The following TRRAP variants were observed in gnomAD, a reference collection of about 807,000 sequenced individuals.
TRRAP encodes transformation/transcription domain associated protein, also known as transformation/transcription domain-associated protein.
TRRAP carries 41 observed loss-of-function variants against 438.8 expected under a neutral mutation model. The ratio of observed to expected loss-of-function variants is 0.09; its 90% CI spans 0.07 to 0.12. The LOEUF (loss-of-function observed/expected upper bound fraction) is 0.12, where lower values mean the gene tolerates loss of function less well. Ranked by LOEUF, TRRAP falls within the 10% of genes least tolerant of loss-of-function variation. TRRAP has a pLI of 1.00. For missense variants in TRRAP, 3,122 were observed against 5,055.1 expected, an observed-to-expected ratio of 0.62 and a Z score of 11.60; for synonymous variants, 1,994 against 1,962.9, an observed-to-expected ratio of 1.02 and a Z score of -0.42.
chr7:98,997,147 A>C (rs12671548), intron 67 of TRRAP, among the ~76,000 whole-genome samples: 16,095 of 151,974 alleles, frequency 0.11, 926 homozygotes, highest in East Asian at 0.25. Flanking sequence ...CTCTACTAAA[A>C]ATACAAAAAT....
intron 49 of TRRAP, 136 bp downstream of exon 49, chr7:98,966,031 T>C (rs1019968387): frequency 9.6e-7 from 1 of 1,041,466 alleles, no homozygotes; most frequent in South Asian, 1.6e-5. Flanking sequence ...TTTTCTTAAT[T>C]AAGATGGATT....
chr7:98,918,715 A>G (rs1789644430), intron 20 of TRRAP, among the ~76,000 whole-genome samples: 1 of 152,162 alleles, frequency 6.6e-6, no homozygotes. Context: ...AAAGAAGCAG[A>G]TAATAAAGGA....
At chr7:98,947,601 G>A (rs917799594) in intron 33 of TRRAP, among the ~76,000 whole-genome samples, 3 of 151,992 alleles carry the variant, frequency 2.0e-5, no homozygotes, top group South Asian at 2.1e-4. Context: ...GACTACAGGC[G>A]CCCGCCACCA....
At chr7:98,940,183 CTGTT>C (rs1215109739) in intron 30 of TRRAP, among the ~76,000 whole-genome samples, 26 of 151,408 alleles carry the variant, frequency 1.7e-4, no homozygotes, top group African/African-American at 5.8e-4. Flanking sequence ...TGTGCCTGGC[CTGTT>C]TGTTTGTTTA....
chr7:98,983,198 G>A, intron 59 of TRRAP, 66 bp from the exon 60 acceptor site: 3 of 1,415,974 alleles, frequency 2.1e-6, no homozygotes, highest in Non-Finnish European at 2.9e-6. Context: ...AATGGACTCT[G>A]GTGTGTTTTT....
In TRRAP at chr7:98,881,075, T is replaced by G; in HGVS notation, c.-61-15T>G. The G allele has an allele frequency of 7.7e-7, 1 of 1,294,358 alleles. No homozygotes were observed. The highest frequency in any genetic ancestry group is 1.1e-6 in the Non-Finnish European group (1 of 931,596). The allele number at this position is 1,294,358 out of a possible 1,614,324, so 80.2% of individuals were successfully genotyped here. A position where few individuals can be genotyped will look rare whatever the true frequency, so the allele number is the denominator to read the frequency against. Reference sequence around the variant, plus strand: ...GCCCTCCATAAATTGACTAACTCTATGCTTCTTTTCATAGGCTGGTTGAAC... The same window carrying G: ...GCCCTCCATAAATTGACTAACTCTAGGCTTCTTTTCATAGGCTGGTTGAAC... On this transcript the variant is annotated splice_polypyrimidine_tract_variant and intron_variant, in intron 1 of 72. Transcript: ENST00000456197.
intron 60 of TRRAP, among the ~76,000 whole-genome samples, 174 bp from the exon 61 acceptor site, chr7:98,983,919 G>T (rs1303877767): frequency 6.6e-6 from 1 of 152,182 alleles, no homozygotes; most frequent in African/African-American, 2.4e-5. Context: ...TCAAGAATTA[G>T]CACCTTTTAA....
At chr7:98,965,083 A>G (rs1302230938) in intron 48 of TRRAP, among the ~76,000 whole-genome samples, 3 of 152,212 alleles carry the variant, frequency 2.0e-5, no homozygotes, top group African/African-American at 4.8e-5. Context: ...GCCTGTGAAT[A>G]TCCACTGCAC....
At chr7:98,953,100 C>G in intron 39 of TRRAP, 67 bp from the exon 40 acceptor site, 3 of 1,533,294 alleles carry the variant, frequency 2.0e-6, no homozygotes, top group Admixed American at 3.6e-5. Context: ...TTAAACCTGT[C>G]GTATGACCCT....
At chr7:98,993,027 A>T (rs1395808904) in intron 65 of TRRAP, among the ~76,000 whole-genome samples, 1 of 152,224 alleles carries the variant, frequency 6.6e-6, no homozygotes, top group Non-Finnish European at 1.5e-5. Context: ...TCACAGGGAA[A>T]AATGACCGTA....
Position 98,956,272 on chromosome 7 carries a change from A to C in TRRAP, c.6064A>C (p.Lys2022Gln), listed in dbSNP as rs1213447853. 1 of 1,614,090 alleles carries C rather than the reference A, an allele frequency of 6.2e-7. No homozygotes were observed. The highest frequency in any genetic ancestry group is 1.3e-5 in the African/African-American group (1 of 74,926). The change falls in exon 42 of 73, where the codon AAG becomes CAG. Residue 2022 changes from lysine (K) to glutamine (Q), a missense_variant. This residue lies in a region of TRRAP where 992 missense variants were observed against 1,281.2 expected (regional missense o/e 0.77). Transcript: ENST00000456197. This position sits in a 1 kb window ranked among gnomAD's most constrained non-coding sequence, Gnocchi z 4.5. ...LAVDLSEVVI[K>Q]WELQRIKDQQ... ...CGTGGACCTGTCTGAAGTCGTCATC[A>C]AGTGGGAGCTGCAGAGGATCAAGGA...
Position 98,981,769 on chromosome 7 carries a change from G to A in TRRAP, c.8635G>A (p.Val2879Met). The A allele has an allele frequency of 1.3e-6, 2 of 1,598,186 alleles. No individual in the cohort carries two copies. The highest frequency in any genetic ancestry group is 1.7e-6 in the Non-Finnish European group (2 of 1,173,350). ...WTAMKEALVQ[V>M]EVSCPKEMAW... Reference sequence around the variant, plus strand: ...CTGTGTCACGTTCTTTCACTGCCAGGTGGAAGTGAGCTGTCCGAAGGAGAT... The same window carrying A: ...CTGTGTCACGTTCTTTCACTGCCAGATGGAAGTGAGCTGTCCGAAGGAGAT... The change falls in exon 59 of 73, where the codon GTG becomes ATG. Residue 2879 changes from valine to methionine, a missense_variant and splice_region_variant. Coordinates refer to ENST00000456197, the MANE Select transcript of TRRAP (RefSeq NM_001375524.1).
chr7:98,995,959 G>A lies in TRRAP; in HGVS notation c.10309+1111G>A, dbSNP rs143794191. ...GTCCTCACACTCCCGTCCCATCCTC[G>A]CATCCCCATCCCATCCTCATACCCC... is the stretch of plus-strand genomic sequence containing the variant. On this transcript the variant is annotated intron_variant, in intron 67 of 72. Transcript: ENST00000456197. 4.4e-5 allele frequency among the ~76,000 whole-genome samples: 6 copies of A among 136,202 alleles called. No individual in the cohort carries two copies. The East Asian group carries it at 1.1e-3, about 25-fold the overall frequency. The allele number at this position is 136,202 out of a possible 152,430, so 89.4% of individuals were successfully genotyped here.
intron 12 of TRRAP, among the ~76,000 whole-genome samples, chr7:98,905,757 C>T (rs1406018791): frequency 9.2e-5 from 14 of 152,286 alleles, no homozygotes; most frequent in Non-Finnish European, 1.9e-4. Flanking sequence ...AGAGAAACAT[C>T]GTTAGGTCTT....
chr7:98,922,023 G>A (rs1789819962), intron 21 of TRRAP, 70 bp downstream of exon 21: 1 of 1,593,878 alleles, frequency 6.3e-7, no homozygotes, highest in Non-Finnish European at 8.6e-7. Context: ...TATGTGAAAT[G>A]TTAATTAGAC....
rs141426281 is a variant in TRRAP at position 98,966,025 on chromosome 7, C to T, written c.7176+130C>T. 1,410 of 1,077,040 alleles carry T rather than the reference C, an allele frequency of 1.3e-3. 7 individuals carry two copies. In the African/African-American group the frequency reaches 0.016, roughly 12 times the overall value. The allele number at this position is 1,077,040 out of a possible 1,614,324, so 66.7% of individuals were successfully genotyped here. A position where few individuals can be genotyped will look rare whatever the true frequency, so the allele number is the denominator to read the frequency against. On this transcript the variant is annotated intron_variant, in intron 49 of 72. Transcript: ENST00000456197. Reference sequence around the variant, plus strand: ...TGTAATTGCACTCACAGCATCTTTTCTTAATTAAGATGGATTTTTGTCTGT... The same window carrying T: ...TGTAATTGCACTCACAGCATCTTTTTTTAATTAAGATGGATTTTTGTCTGT...
chr7:98,880,445 G>T (rs1431599423), intron 1 of TRRAP, among the ~76,000 whole-genome samples: 2 of 151,926 alleles, frequency 1.3e-5, no homozygotes, highest in African/African-American at 4.8e-5. Context: ...TGTATTTTTA[G>T]TAGAGATGGG....
Position 98,903,933 on chromosome 7 carries a change from C to T in TRRAP, c.1036+416C>T, listed in dbSNP as rs535852968. ...GGCACGGTTCTCGTGCCTCAGCCTC[C>T]CAAGTAGCAGAAATTACAGGCATCC... is the stretch of plus-strand genomic sequence containing the variant. On this transcript the variant is annotated intron_variant, in intron 12 of 72. Coordinates refer to ENST00000456197, the MANE Select transcript of TRRAP (RefSeq NM_001375524.1). 7.2e-5 allele frequency among the ~76,000 whole-genome samples: 11 copies of T among 152,144 alleles called. No homozygotes were observed. In the East Asian group the frequency reaches 1.8e-3, roughly 24 times the overall value.
At position 98,881,262 on chromosome 7, in the gene TRRAP, CT is replaced by C; in HGVS notation, c.100+17del. The stretch of plus-strand genomic sequence containing the variant: ...AGATGTGAATACACGTGAGTTGATC[CT>C]TTTTATCATTAAGAAATGCATAAAT... On this transcript the variant is annotated intron_variant, in intron 2 of 72. Coordinates refer to ENST00000456197, the MANE Select transcript of TRRAP (RefSeq NM_001375524.1). The C allele has an allele frequency of 1.9e-6, 3 of 1,582,848 alleles. No individual in the cohort carries two copies. The highest frequency in any genetic ancestry group is 2.6e-6 in the Non-Finnish European group (3 of 1,162,438).
Sources: gnomAD v4.1 joint callset for allele counts (sites outside exome capture counted in the v4.1 genomes callset) on GRCh38, gnomAD v4.1.1 for gene constraint, gnomAD v4.1.1 regional missense constraint, Gnocchi (gnomAD v3.1) non-coding constraint, MANE v1.5 for transcripts, NCBI Gene and HGNC (gene_info 2026-07-23, HGNC 2026-07-21) for gene names.